The following CACNA2D4 variants were observed in gnomAD, a reference collection of about 807,000 sequenced individuals.
CACNA2D4 encodes calcium voltage-gated channel auxiliary subunit alpha2delta 4, also known as voltage-dependent calcium channel subunit alpha-2/delta-4.
CACNA2D4 carries 157 observed loss-of-function variants against 163.8 expected under a neutral mutation model. That is an observed-to-expected ratio of 0.96 (90% CI 0.84 to 1.09). The LOEUF is 1.09. Among genes scored for constraint, CACNA2D4 ranks in the 50% least tolerant of loss-of-function variants. The pLI is 0.00. For missense variants in CACNA2D4, 1,410 were observed against 1,479.9 expected (o/e 0.95, Z 0.78); for synonymous variants, 598 against 586.9 (o/e 1.02, Z -0.27).
At position 1,907,550 on chromosome 12, in the gene CACNA2D4, A is replaced by G. The variant is rs1468312528; in HGVS notation, c.671T>C (p.Val224Ala). The change falls in exon 6 of 38, where the codon GTC becomes GCC. Residue 224 changes from valine to alanine, a missense_variant. Physicochemically the swap from Val to Ala is moderately conservative, Grantham distance 64. Coordinates refer to ENST00000382722, the MANE Select transcript of CACNA2D4 (RefSeq NM_172364.5). The part of the protein sequence containing the change: ...YNKDPDILNG[V>A]YMSEALNAVF... ...AGCATTCAAGGCTTCAGACATGTAG[A>G]CTCCATTTAAAATATCTGGGTCTGA... is the stretch of plus-strand genomic sequence containing the variant. 3.1e-6 allele frequency: 5 copies of G among 1,612,956 alleles called. No individual in the cohort carries two copies. The highest frequency in any genetic ancestry group is 4.2e-6 in the Non-Finnish European group (5 of 1,179,296).
At chr12:1,876,592 C>T (rs1865886994) in intron 16 of CACNA2D4, among the ~76,000 whole-genome samples, 1 of 152,204 alleles carries the variant, frequency 6.6e-6, no homozygotes, top group African/African-American at 2.4e-5. Context: ...CACTGTGTAT[C>T]TTGCTTCCGC....
rs957566215 is a variant in CACNA2D4, at chr12:1,883,103, ACT to A, written c.1352-105_1352-104del. The A allele has an allele frequency of 2.2e-5, 29 of 1,296,944 alleles. No homozygotes were observed. The highest frequency in any genetic ancestry group is 3.1e-5 in the Non-Finnish European group (29 of 947,458). 80.3% of individuals were successfully genotyped at this position (1,296,944 alleles called of 1,614,324 possible). ...AGCTGCAGATGGCTCATAGCCGAAT[ACT>A]CTCTGGAAACTGGACCGGGGCACAG... is the stretch of plus-strand genomic sequence containing the variant. On this transcript the variant is annotated intron_variant, in intron 12 of 37. Transcript: ENST00000382722. The surrounding 1 kb of genome is among the most constrained non-coding windows in gnomAD (Gnocchi z 4.5).
At chr12:1,840,253 AT>A (rs1410773710) in intron 26 of CACNA2D4, among the ~76,000 whole-genome samples, 1 of 152,074 alleles carries the variant, frequency 6.6e-6, no homozygotes, top group Non-Finnish European at 1.5e-5. Flanking sequence ...GATGACGATG[AT>A]TGATAAAAGA....
rs1865065138 is a variant in CACNA2D4 at position 1,843,082 on chromosome 12, T to C, written c.2470+1320A>G. On this transcript the variant is annotated intron_variant, in intron 25 of 37. Coordinates refer to ENST00000382722, the MANE Select transcript of CACNA2D4 (RefSeq NM_172364.5). This position sits in a 1 kb window ranked among gnomAD's most constrained non-coding sequence, Gnocchi z 4.6. ...AGGGATAATGACGGCACTTATCTCA[T>C]GGGGTTGTCTAGATTAAATGAAAAA... 6.6e-6 allele frequency among the ~76,000 whole-genome samples: 1 copy of C among 152,266 alleles called. No homozygotes were observed. Among genetic ancestry groups the C allele is most frequent in the East Asian group, 1.9e-4 (1 of 5,168 alleles).
intron 26 of CACNA2D4, among the ~76,000 whole-genome samples, chr12:1,813,605 G>T (rs950463793): frequency 6.6e-6 from 1 of 152,258 alleles, no homozygotes; most frequent in Non-Finnish European, 1.5e-5. Flanking sequence ...GAGCTCATCT[G>T]AGTTTGCAGA....
At chr12:1,876,173 T>A (rs1235412316) in intron 16 of CACNA2D4, among the ~76,000 whole-genome samples, 1 of 152,268 alleles carries the variant, frequency 6.6e-6, no homozygotes, top group Non-Finnish European at 1.5e-5. Flanking sequence ...TTTAGGAGAC[T>A]GCTTTCTGAA....
Position 1,878,837 on chromosome 12 carries a change from A to G in CACNA2D4, c.1644+119T>C. 1.2e-6 allele frequency: 1 copy of G among 842,206 alleles called. No individual in the cohort carries two copies. The highest frequency in any genetic ancestry group is 1.9e-6 in the Non-Finnish European group (1 of 537,392). The allele number at this position is 842,206 out of a possible 1,614,324, so 52.2% of individuals were successfully genotyped here. Reference sequence around the variant, plus strand: ...CAGCACCTGCACTTCTTGGGCAGTGATGGAGGGGCCCCACCCCAGCTCTGG... The same window carrying G: ...CAGCACCTGCACTTCTTGGGCAGTGGTGGAGGGGCCCCACCCCAGCTCTGG... On this transcript the variant is annotated intron_variant, in intron 15 of 37. Transcript: ENST00000382722. This position sits in a 1 kb window ranked among gnomAD's most constrained non-coding sequence, Gnocchi z 4.6.
chr12:1,822,157 G>T (rs535766961), intron 26 of CACNA2D4: 1 of 152,186 alleles, frequency 6.6e-6, no homozygotes, highest in Non-Finnish European at 1.5e-5. Context: ...GAGAGAGGCT[G>T]CTTAAGCAGC....
chr12:1,810,508 C>T (rs753755472), intron 28 of CACNA2D4, 35 bp downstream of exon 28: 26 of 1,550,704 alleles, frequency 1.7e-5, no homozygotes, highest in Non-Finnish European at 2.3e-5. Flanking sequence ...GGCCATGGCT[C>T]CCTCCTCCAC....
intron 9 of CACNA2D4, 110 bp downstream of exon 9, chr12:1,885,855 G>A (rs1329511708): frequency 3.9e-6 from 3 of 765,184 alleles, no homozygotes; most frequent in Non-Finnish European, 6.6e-6. Context: ...CTCATTCCAG[G>A]TGCCATGGGA....
intron 6 of CACNA2D4, among the ~76,000 whole-genome samples, chr12:1,906,995 A>G (rs530315542): frequency 3.5e-4 from 53 of 152,366 alleles, no homozygotes; most frequent in African/African-American, 1.2e-3. Flanking sequence ...TGTGTTTTCT[A>G]TTTTTATTGA....
intron 6 of CACNA2D4, among the ~76,000 whole-genome samples, chr12:1,906,446 TAC>T (rs1261915907): frequency 5.9e-5 from 9 of 152,330 alleles, no homozygotes; most frequent in African/African-American, 1.9e-4. Flanking sequence ...ATTCAGAATA[TAC>T]AGATAACTCC....
rs2286370 is a variant in CACNA2D4, at chr12:1,858,539, T to G, written c.2008+38A>C. The G allele has an allele frequency of 1.6e-3, 2,561 of 1,594,924 alleles. 39 individuals carry two copies. The East Asian group carries it at 0.025, about 16-fold the overall frequency. ...AGTGTCCCATGAGAGCCCATTATTT[T>G]CTGCTTAACTGTCCCTCAGCCCCTG... On this transcript the variant is annotated intron_variant, in intron 20 of 37. Transcript: ENST00000382722.
intron 22 of CACNA2D4, among the ~76,000 whole-genome samples, chr12:1,855,514 T>C (rs971313276): frequency 6.6e-6 from 1 of 152,172 alleles, no homozygotes; most frequent in African/African-American, 2.4e-5. Context: ...AAGGAGCACC[T>C]GGGGCTCCTA....
At chr12:1,850,919 G>C (rs985185951) in intron 23 of CACNA2D4, among the ~76,000 whole-genome samples, 12 of 150,922 alleles carry the variant, frequency 8.0e-5, no homozygotes, top group Admixed American at 2.6e-4. Flanking sequence ...GTCTTGCTCT[G>C]TTGCCCAGGC....
At chr12:1,831,210 C>T (rs777261343) in intron 26 of CACNA2D4, 11 of 1,613,888 alleles carry the variant, frequency 6.8e-6, no homozygotes, top group Non-Finnish European at 9.3e-6. Flanking sequence ...TTTCGGGGAC[C>T]TGACGAATCT....
At chr12:1,887,932 C>A (rs367710514) in intron 6 of CACNA2D4, among the ~76,000 whole-genome samples, 1 of 152,194 alleles carries the variant, frequency 6.6e-6, no homozygotes, top group South Asian at 2.1e-4. Flanking sequence ...ATGACATACA[C>A]CCTTTGAGGC....
chr12:1,909,172 GTGTT>G lies in CACNA2D4; in HGVS notation c.486+730_486+733del, dbSNP rs1866750110. Reference sequence around the variant, plus strand: ...TCCCACTGTTTCCTCAACCAACCTGGTGTTTGTTTATTTATTTGTTTATTTATTT... The same window carrying G: ...TCCCACTGTTTCCTCAACCAACCTGGTGTTTATTTATTTGTTTATTTATTT... On this transcript the variant is annotated intron_variant, in intron 4 of 37. Transcript: ENST00000382722. Among the ~76,000 whole-genome samples, 4 of 152,186 alleles carry G rather than the reference GTGTT, an allele frequency of 2.6e-5. 1 individual carries two copies. The highest frequency in any genetic ancestry group is 6.5e-5 in the Admixed American group (1 of 15,300).
intron 26 of CACNA2D4, among the ~76,000 whole-genome samples, chr12:1,840,138 GCCCACGCAA>G (rs1165829302): frequency 6.6e-6 from 1 of 152,142 alleles, no homozygotes; most frequent in Non-Finnish European, 1.5e-5. Flanking sequence ...TCTAACAGAG[GCCCACGCAA>G]TTTCAGCGCT....
Sources: allele counts gnomAD v4.1 joint callset (sites outside exome capture counted in the v4.1 genomes callset), GRCh38; gene constraint gnomAD v4.1.1; non-coding constraint Gnocchi (gnomAD v3.1); transcripts MANE v1.5; gene names NCBI Gene and HGNC (gene_info 2026-07-23, HGNC 2026-07-21).